Variants in CLIC4 observed in about 807,000 individuals in gnomAD.
CLIC4 encodes the protein chloride intracellular channel protein 4.
CLIC4 carries 13 observed loss-of-function variants against 24.6 expected under a neutral mutation model. That is an observed-to-expected ratio of 0.53 (90% confidence interval 0.34 to 0.84). The LOEUF (loss-of-function observed/expected upper bound fraction) is 0.84. Among genes scored for constraint, CLIC4 ranks in the 40% least tolerant of loss-of-function variants. CLIC4 has a pLI of 0.01. For missense variants in CLIC4, 227 were observed against 301.7 expected (o/e 0.75, Z 1.83); for synonymous variants, 104 against 111.3 (o/e 0.93, Z 0.41).
intron 1 of CLIC4, among the ~76,000 whole-genome samples, chr1:24,791,721 C>T (rs1052768349): frequency 6.6e-6 from 1 of 151,984 alleles, no homozygotes; most frequent in Non-Finnish European, 1.5e-5. Flanking sequence ...AATAAAAATA[C>T]AAAAATCAGC....
intron 2 of CLIC4, among the ~76,000 whole-genome samples, chr1:24,812,339 C>T (rs895682305): frequency 2.0e-5 from 3 of 151,992 alleles, no homozygotes; most frequent in Non-Finnish European, 1.5e-5. Context: ...CAAGCCTGGA[C>T]TTCTAGAATA....
At chr1:24,757,290 CAA>C (rs1557794463) in intron 1 of CLIC4, among the ~76,000 whole-genome samples, 2 of 152,174 alleles carry the variant, frequency 1.3e-5, no homozygotes, top group African/African-American at 4.8e-5. Context: ...CTTGACCTCG[CAA>C]AGTGTTGGGA....
At chr1:24,812,624 AAATC>A (rs1420429410) in intron 2 of CLIC4, among the ~76,000 whole-genome samples, 4 of 152,222 alleles carry the variant, frequency 2.6e-5, no homozygotes, top group Non-Finnish European at 5.9e-5. Flanking sequence ...GTTAAAAAAA[AAATC>A]AAAGCATTTT....
chr1:24,760,738 A>G (rs1012513626), intron 1 of CLIC4, among the ~76,000 whole-genome samples: 2 of 152,120 alleles, frequency 1.3e-5, no homozygotes, highest in African/African-American at 4.8e-5. Flanking sequence ...AGTTCTTGTC[A>G]TTATGGCAGT....
intron 1 of CLIC4, among the ~76,000 whole-genome samples, chr1:24,765,629 T>A (rs1168330205): frequency 6.6e-6 from 1 of 152,192 alleles, no homozygotes; most frequent in Non-Finnish European, 1.5e-5. Context: ...GAGCAGCTAT[T>A]GTCCTGATGA....
chr1:24,817,095 T>C (rs926840720), intron 3 of CLIC4, among the ~76,000 whole-genome samples: 25 of 152,340 alleles, frequency 1.6e-4, no homozygotes, highest in African/African-American at 5.8e-4. Context: ...AAATCATAGA[T>C]GACATCTTTC....
At chr1:24,791,650 T>G (rs189730071) in intron 1 of CLIC4, among the ~76,000 whole-genome samples, 1 of 151,582 alleles carries the variant, frequency 6.6e-6, no homozygotes, top group Non-Finnish European at 1.5e-5. Flanking sequence ...CCGAGGCGGG[T>G]GGATCACCTG....
intron 2 of CLIC4, among the ~76,000 whole-genome samples, chr1:24,805,485 AT>A (rs1639540825): frequency 6.6e-6 from 1 of 152,092 alleles, no homozygotes; most frequent in African/African-American, 2.4e-5. Flanking sequence ...TTGTTGTTAT[AT>A]GTTTATATAG....
chr1:24,754,395 G>A (rs372533728), intron 1 of CLIC4, among the ~76,000 whole-genome samples: 4 of 152,152 alleles, frequency 2.6e-5, no homozygotes, highest in Non-Finnish European at 4.4e-5. Context: ...ATCCTTTTCC[G>A]CTTCCTGTTT....
chr1:24,775,598 C>T (rs564199433), intron 1 of CLIC4, among the ~76,000 whole-genome samples: 7 of 145,834 alleles, frequency 4.8e-5, no homozygotes, highest in South Asian at 4.4e-4. Context: ...CTTCTTTATT[C>T]TACTGTTAAG....
At chr1:24,819,369 A>C (rs549382359) in intron 3 of CLIC4, among the ~76,000 whole-genome samples, 2 of 152,290 alleles carry the variant, frequency 1.3e-5, no homozygotes. Context: ...ATATTTGTGA[A>C]TATAAATTGA....
At chr1:24,802,462 A>G (rs1639501618) in intron 2 of CLIC4, among the ~76,000 whole-genome samples, 1 of 152,130 alleles carries the variant, frequency 6.6e-6, no homozygotes, top group African/African-American at 2.4e-5. Context: ...TATGTTTATT[A>G]CCTAGGGCTT....
intron 2 of CLIC4, among the ~76,000 whole-genome samples, 188 bp from the exon 3 acceptor site, chr1:24,813,906 C>G (rs1329209522): frequency 6.6e-6 from 1 of 151,920 alleles, no homozygotes; most frequent in African/African-American, 2.4e-5. Context: ...TTTGTGGAGA[C>G]AGGATCTTAC....
chr1:24,807,813 CTTATA>C (rs1302535051), intron 2 of CLIC4, among the ~76,000 whole-genome samples: 8 of 152,114 alleles, frequency 5.3e-5, no homozygotes, highest in African/African-American at 1.7e-4. Flanking sequence ...GAAAAACAGA[CTTATA>C]TTATTAACTT....
intron 1 of CLIC4, among the ~76,000 whole-genome samples, chr1:24,792,484 G>A (rs892125745): frequency 1.3e-5 from 2 of 152,108 alleles, no homozygotes; most frequent in Admixed American, 1.3e-4. Flanking sequence ...GAACTATTGT[G>A]CGTGGCCTTT....
rs781653580 is a variant in CLIC4 at position 24,827,082 on chromosome 1, A to G, written c.381A>G (p.Ala127=). 4 of 1,610,412 alleles carry G rather than the reference A, an allele frequency of 2.5e-6. No homozygotes were observed. Among genetic ancestry groups the G allele is most frequent in the East Asian group, 2.2e-5 (1 of 44,752 alleles). Residue 127 remains alanine, a synonymous_variant, in exon 4 of 6, where the codon GCA becomes GCG. Transcript: ENST00000374379. ...AGMDIFAKFS[A]YIKNSRPEAN... is the part of the protein sequence containing the mutation. Reference sequence around the variant, plus strand: ...TGGACATCTTTGCCAAATTCTCTGCATATATCAAGAATTCAAGGCCAGAGG... The same window carrying G: ...TGGACATCTTTGCCAAATTCTCTGCGTATATCAAGAATTCAAGGCCAGAGG...
chr1:24,747,903 T>C (rs1638723169), intron 1 of CLIC4, among the ~76,000 whole-genome samples: 1 of 151,338 alleles, frequency 6.6e-6, no homozygotes, highest in Non-Finnish European at 1.5e-5. Context: ...GGCATGGTGG[T>C]GGGCCCAGCT....
At chr1:24,808,241 C>T (rs966433617) in intron 2 of CLIC4, among the ~76,000 whole-genome samples, 1 of 152,094 alleles carries the variant, frequency 6.6e-6, no homozygotes, top group East Asian at 1.9e-4. Context: ...CCACTGTGCC[C>T]GGTCTACAGT....
rs554573942 is a variant in CLIC4, at chr1:24,841,106, C to T, written c.*169C>T. On this transcript the variant is annotated 3_prime_UTR_variant, in exon 6 of 6. Coordinates refer to ENST00000374379, the MANE Select transcript of CLIC4 (RefSeq NM_013943.3). ...TAGTAGTTATCTTAAAATATACACT[C>T]CTAAGCAGTATTATTTTAAAATCCT... The T allele has an allele frequency of 2.0e-5, 9 of 441,062 alleles. No homozygotes were observed. Among genetic ancestry groups the T allele is most frequent in the Non-Finnish European group, 3.5e-5 (9 of 259,162 alleles). 27.3% of individuals were successfully genotyped at this position (441,062 alleles called of 1,614,324 possible).
Sources: allele counts gnomAD v4.1 joint callset (sites outside exome capture counted in the v4.1 genomes callset), GRCh38; gene constraint gnomAD v4.1.1; transcripts MANE v1.5; gene names NCBI Gene and HGNC (gene_info 2026-07-23, HGNC 2026-07-21).